Variants in SLC5A10 observed in about 807,000 individuals in gnomAD.
The protein encoded by SLC5A10 is solute carrier family 5 member 10.
Under a neutral mutation model 68.9 loss-of-function variants are expected in SLC5A10, and 55 were observed. The observed-to-expected ratio is 0.80, with a 90% CI of 0.64 to 1.00. SLC5A10 has a LOEUF of 1.00. Among genes scored for constraint, SLC5A10 ranks in the 50% least tolerant of loss-of-function variants. The probability of loss-of-function intolerance (pLI) is 0.00; values close to 1 mark genes in which losing one functional copy is unlikely to be tolerated. For missense variants in SLC5A10, 732 were observed against 819.3 expected (o/e 0.89, Z 1.30); for synonymous variants, 344 against 344.8 (o/e 1.00, Z 0.02).
chr17:19,003,620 T>C lies in SLC5A10; in HGVS notation c.983-9790T>C. On this transcript the variant is annotated intron_variant, in intron 9 of 14. Coordinates refer to ENST00000395645, the MANE Select transcript of SLC5A10 (RefSeq NM_001042450.4). The surrounding 1 kb of genome is among the most constrained non-coding windows in gnomAD (Gnocchi z 4.5). Reference sequence around the variant, plus strand: ...GACGCTAGCCCGGGTCACGCCGCGGTAGGCGATGGTGTCGGGCCAGCCCAG... The same window carrying C: ...GACGCTAGCCCGGGTCACGCCGCGGCAGGCGATGGTGTCGGGCCAGCCCAG... 1 of 1,612,056 alleles carries C rather than the reference T, an allele frequency of 6.2e-7. No individual in the cohort carries two copies. Among genetic ancestry groups the C allele is most frequent in the African/African-American group, 1.3e-5 (1 of 75,008 alleles).
At chr17:18,960,765 C>A (rs2042598917) in intron 5 of SLC5A10, 113 bp downstream of exon 5, 16 of 1,055,378 alleles carry the variant, frequency 1.5e-5, no homozygotes, top group African/African-American at 1.6e-5. Context: ...AACAGCTGGG[C>A]AAATTGAGGC....
intron 9 of SLC5A10, among the ~76,000 whole-genome samples, chr17:18,985,495 G>A (rs2043247124): frequency 6.6e-6 from 1 of 152,218 alleles, no homozygotes; most frequent in Non-Finnish European, 1.5e-5. Context: ...AGGGGTGGCA[G>A]TGGCTGAGGG....
chr17:19,020,579 C>T lies in SLC5A10; in HGVS notation c.*148C>T, dbSNP rs56745876. Reference sequence around the variant, plus strand: ...CCAAGAACTGGCCAAGCCAGCAAAGCGGGAGCCCTGAAAAATTAGGGGGGA... The same window carrying T: ...CCAAGAACTGGCCAAGCCAGCAAAGTGGGAGCCCTGAAAAATTAGGGGGGA... On this transcript the variant is annotated 3_prime_UTR_variant, in exon 15 of 15. Coordinates refer to ENST00000395645, the MANE Select transcript of SLC5A10 (RefSeq NM_001042450.4). 1.4e-3 allele frequency: 911 copies of T among 667,324 alleles called. 5 individuals carry two copies. In the African/African-American group the frequency reaches 0.015, roughly 11 times the overall value. 41.3% of individuals were successfully genotyped at this position (667,324 alleles called of 1,614,324 possible).
Position 18,971,213 on chromosome 17 carries a change from G to A in SLC5A10, c.841G>A (p.Asp281Asn), listed in dbSNP as rs751392060. The A allele has an allele frequency of 2.2e-5, 36 of 1,613,734 alleles. No homozygotes were observed. Among genetic ancestry groups the A allele is most frequent in the African/African-American group, 4.0e-5 (3 of 74,938 alleles). ...CATGGCCACCTGGTACTGGTGCACC[G>A]ACCAGGTGAGTGCCAACGTCTCCCG... ...TIMATWYWCTDQVIVQRSLSA... is the reference protein window; with the variant it reads ...TIMATWYWCTNQVIVQRSLSA... Residue 281 changes from aspartate to asparagine, a missense_variant, in exon 8 of 15, where the codon GAC becomes AAC. Asp to Asn is a conservative substitution (Grantham distance 23). Coordinates refer to ENST00000395645, the MANE Select transcript of SLC5A10 (RefSeq NM_001042450.4). The surrounding 1 kb of genome is among the most constrained non-coding windows in gnomAD (Gnocchi z 5.5).
At chr17:18,957,598 T>C (rs1381541456) in intron 1 of SLC5A10, among the ~76,000 whole-genome samples, 1 of 152,106 alleles carries the variant, frequency 6.6e-6, no homozygotes, top group Non-Finnish European at 1.5e-5. Context: ...CCCGAGTAGC[T>C]GGGACTACAG....
At chr17:18,975,353 T>C (rs2042950353) in intron 8 of SLC5A10, among the ~76,000 whole-genome samples, 2 of 152,170 alleles carry the variant, frequency 1.3e-5, no homozygotes, top group African/African-American at 2.4e-5. Context: ...GGGTAAATGC[T>C]GGGAGCCGTC....
Position 19,003,311 on chromosome 17 carries a change from C to A in SLC5A10, c.983-10099C>A, listed in dbSNP as rs746937067. On this transcript the variant is annotated intron_variant, in intron 9 of 14. Coordinates refer to ENST00000395645, the MANE Select transcript of SLC5A10 (RefSeq NM_001042450.4). This position sits in a 1 kb window ranked among gnomAD's most constrained non-coding sequence, Gnocchi z 4.5. ...AGACGGGGCAGCCCACTGTCACCTG[C>A]TAGGACCTGGGAACCCTACCCTGCA... 6.6e-6 allele frequency among the ~76,000 whole-genome samples: 1 copy of A among 151,968 alleles called. No individual in the cohort carries two copies. The highest frequency in any genetic ancestry group is 2.1e-4 in the South Asian group (1 of 4,812).
chr17:18,956,465 G>GTTTTTTTTTTTTTTTTTTTTTTC (rs2042505032), intron 1 of SLC5A10, among the ~76,000 whole-genome samples: 2 of 98,010 alleles, frequency 2.0e-5, no homozygotes, highest in Non-Finnish European at 4.1e-5. Context: ...TTTTCTTTCT[G>GTTTTTTTTTTTTTTTTTTTTTTC]TTTTTTTTTT....
rs1307097852 is a variant in SLC5A10, at chr17:18,962,005, G to A, written c.453+1353G>A. On this transcript the variant is annotated intron_variant, in intron 5 of 14. Transcript: ENST00000395645. The stretch of plus-strand genomic sequence containing the variant: ...CTCTGGGAGCCCTTTAGAGTCCGGA[G>A]GGACTTGGCCTTGGCCTGCCCTTAA... 3.9e-5 allele frequency among the ~76,000 whole-genome samples: 6 copies of A among 152,330 alleles called. No homozygotes were observed. The East Asian group carries it at 1.2e-3, about 29-fold the overall frequency.
At chr17:18,958,871 G>C (rs2042558089) in intron 2 of SLC5A10, 118 bp downstream of exon 2, 1 of 1,219,872 alleles carries the variant, frequency 8.2e-7, no homozygotes, top group Non-Finnish European at 1.2e-6. Context: ...CAGGCCGGAG[G>C]CTGGCAGGAG....
Position 18,969,090 on chromosome 17 carries a change from C to A in SLC5A10, c.492C>A (p.Cys164Ter). 4 of 1,614,126 alleles carry A rather than the reference C, an allele frequency of 2.5e-6. No homozygotes were observed. The highest frequency in any genetic ancestry group is 3.4e-6 in the Non-Finnish European group (4 of 1,179,982). ...CGGGGGCTCTGTTTGTGCACATCTG[C>A]CTGGGCTGGAACTTCTACCTCTCCA... ...LYAGALFVHI[C>*]LGWNFYLSTI... Residue 164 changes from cysteine to a stop codon, truncating the protein, a stop_gained, in exon 6 of 15, where the codon TGC becomes TGA. Transcript: ENST00000395645. LOFTEE classifies it high-confidence loss of function.
At chr17:18,965,346 C>A (rs1567780854) in intron 5 of SLC5A10, among the ~76,000 whole-genome samples, 1 of 152,090 alleles carries the variant, frequency 6.6e-6, no homozygotes, top group Non-Finnish European at 1.5e-5. Flanking sequence ...GCAGAGGACA[C>A]CAAAAAGATT....
intron 9 of SLC5A10, among the ~76,000 whole-genome samples, chr17:19,010,832 G>A (rs1181494580): frequency 1.3e-5 from 2 of 152,138 alleles, no homozygotes; most frequent in African/African-American, 4.8e-5. Context: ...TCTTGGATCC[G>A]ACTGTGTCCC....
intron 5 of SLC5A10, among the ~76,000 whole-genome samples, chr17:18,966,467 T>G (rs1430529441): frequency 6.6e-6 from 1 of 151,886 alleles, no homozygotes; most frequent in Non-Finnish European, 1.5e-5. Context: ...CTTCTAGGAG[T>G]TGGAATAGAC....
Position 19,017,158 on chromosome 17 carries a change from C to T in SLC5A10, c.1241+1959C>T, listed in dbSNP as rs995666120. The stretch of plus-strand genomic sequence containing the variant: ...CCCTGAGGAGCAAGGCACAAGGCTG[C>T]GTGGTGCAGGGCAGGTTGCTCACCC... On this transcript the variant is annotated intron_variant, in intron 11 of 14. Coordinates refer to ENST00000395645, the MANE Select transcript of SLC5A10 (RefSeq NM_001042450.4). This position sits in a 1 kb window ranked among gnomAD's most constrained non-coding sequence, Gnocchi z 5.6. The T allele has an allele frequency of 7.7e-6, 6 of 783,574 alleles. No homozygotes were observed. The highest frequency in any genetic ancestry group is 2.6e-4 in the Middle Eastern group (1 of 3,876). The allele number at this position is 783,574 out of a possible 1,614,324, so 48.5% of individuals were successfully genotyped here. A position where few individuals can be genotyped will look rare whatever the true frequency, so the allele number is the denominator to read the frequency against.
At chr17:18,960,796 GC>G in intron 5 of SLC5A10, 144 bp downstream of exon 5, 1 of 821,302 alleles carries the variant, frequency 1.2e-6, no homozygotes, top group Non-Finnish European at 2.0e-6. Flanking sequence ...GCAATGACTT[GC>G]CCAGGGTCAC....
intron 9 of SLC5A10, among the ~76,000 whole-genome samples, chr17:18,983,934 C>T (rs952862649): frequency 1.3e-5 from 2 of 152,214 alleles, no homozygotes; most frequent in Admixed American, 6.5e-5. Context: ...GACCTGTCCC[C>T]GGCAGTGTAG....
chr17:18,971,157 C>G lies in SLC5A10; in HGVS notation c.785C>G (p.Pro262Arg), dbSNP rs757187308. The G allele has an allele frequency of 2.5e-6, 4 of 1,614,116 alleles. No individual in the cohort carries two copies. The South Asian group carries it at 3.3e-5, about 13-fold the overall frequency. Residue 262 changes from proline (P) to arginine (R), a missense_variant, in exon 8 of 15, where the codon CCG (proline) becomes CGG (arginine). Transcript: ENST00000395645. The surrounding 1 kb of genome is among the most constrained non-coding windows in gnomAD (Gnocchi z 5.5). ...MFRDPHTGDL[P>R]WTGMTFGLTI... ...CGAGACCCCCACACAGGGGACCTGCCGTGGACCGGGATGACCTTTGGCCTG... is the reference window on the plus strand; with the variant it reads ...CGAGACCCCCACACAGGGGACCTGCGGTGGACCGGGATGACCTTTGGCCTG...
At chr17:19,005,503 G>C (rs2043860417) in intron 9 of SLC5A10, among the ~76,000 whole-genome samples, 1 of 152,124 alleles carries the variant, frequency 6.6e-6, no homozygotes, top group Non-Finnish European at 1.5e-5. Context: ...ACCCCATCGC[G>C]TGCCGCAGCC....
Sources: allele counts gnomAD v4.1 joint callset (sites outside exome capture counted in the v4.1 genomes callset), GRCh38; gene constraint gnomAD v4.1.1; non-coding constraint Gnocchi (gnomAD v3.1); transcripts MANE v1.5; gene names NCBI Gene and HGNC (gene_info 2026-07-23, HGNC 2026-07-21).